The following DCDC2C variants were observed in gnomAD, a reference collection of about 807,000 sequenced individuals.
The protein encoded by DCDC2C is doublecortin domain containing 2C.
DCDC2C carries 44 observed loss-of-function variants against 45.0 expected under a neutral mutation model. The observed-to-expected ratio is 0.98, with a 90% CI of 0.77 to 1.26. The LOEUF is 1.26. Ranked by LOEUF, DCDC2C falls within the 50% of genes most tolerant of loss-of-function variation. The pLI, the probability that DCDC2C is intolerant of heterozygous loss-of-function variation, is 0.00. For synonymous variants in DCDC2C, 187 were observed against 178.8 expected (o/e 1.05, Z -0.37); for missense variants, 447 against 468.9 (o/e 0.95, Z 0.43).
chr2:3,738,578 A>G (rs1443300572), intron 3 of DCDC2C, among the ~76,000 whole-genome samples: 2 of 107,404 alleles, frequency 1.9e-5, no homozygotes, highest in African/African-American at 7.5e-5. Flanking sequence ...AAAGCCTCCC[A>G]GCTTATATCA....
Position 3,742,023 on chromosome 2 carries a change from G to A in DCDC2C, c.520G>A (p.Val174Ile). Reference sequence around the variant, plus strand: ...CGTGCTGGCCACGATCGGAGAAAAAGTCTTCCCTCTAGGAGGCGTTCGGAA... The same window carrying A: ...CGTGCTGGCCACGATCGGAGAAAAAATCTTCCCTCTAGGAGGCGTTCGGAA... ...DIVLATIGEK[V>I]FPLGGVRKLF... The change falls in exon 4 of 11, where the codon GTC becomes ATC. Residue 174 changes from valine to isoleucine, a missense_variant. Physicochemically the swap from Val to Ile is conservative, Grantham distance 29. Transcript: ENST00000399143. 1 of 1,547,646 alleles carries A rather than the reference G, an allele frequency of 6.5e-7. No individual in the cohort carries two copies.
chr2:3,755,542 T>C (rs1290802890), intron 6 of DCDC2C, among the ~76,000 whole-genome samples: 3 of 150,888 alleles, frequency 2.0e-5, no homozygotes, highest in African/African-American at 7.3e-5. Flanking sequence ...TATGAATGTG[T>C]AGGGATGTAT....
intron 4 of DCDC2C, chr2:3,752,560 C>G (rs1256182344): frequency 1.5e-6 from 1 of 679,830 alleles, no homozygotes; most frequent in Non-Finnish European, 2.7e-6. Flanking sequence ...ATTAAAAAAT[C>G]TAAAAGTGGA....
At chr2:3,799,957 C>T (rs892549403) in intron 10 of DCDC2C, among the ~76,000 whole-genome samples, 1 of 152,214 alleles carries the variant, frequency 6.6e-6, no homozygotes, top group African/African-American at 2.4e-5. Context: ...GCGGGCGCCC[C>T]TCCCCCAGCC....
chr2:3,829,070 C>T (rs1671892668), intron 10 of DCDC2C, among the ~76,000 whole-genome samples: 1 of 152,168 alleles, frequency 6.6e-6, no homozygotes. Flanking sequence ...GAAGTGTTCA[C>T]ACTTCCAGTG....
intron 3 of DCDC2C, among the ~76,000 whole-genome samples, chr2:3,735,022 A>G (rs954221748): frequency 2.6e-5 from 4 of 152,212 alleles, no homozygotes; most frequent in East Asian, 3.9e-4. Flanking sequence ...CTCGCTCCCA[A>G]TTGTTCGTTT....
At chr2:3,789,401 T>C (rs578138308) in intron 10 of DCDC2C, among the ~76,000 whole-genome samples, 2 of 152,306 alleles carry the variant, frequency 1.3e-5, no homozygotes, top group African/African-American at 2.4e-5. Context: ...CTTTATACTG[T>C]ATTTATTTAT....
chr2:3,800,648 C>G (rs1671090963), intron 10 of DCDC2C, among the ~76,000 whole-genome samples: 1 of 124,012 alleles, frequency 8.1e-6, no homozygotes, highest in Non-Finnish European at 1.9e-5. Flanking sequence ...CAATGCGCAC[C>G]AGAAGTGCTT....
chr2:3,784,609 T>C (rs1670602770), intron 9 of DCDC2C, among the ~76,000 whole-genome samples: 1 of 152,030 alleles, frequency 6.6e-6, no homozygotes, highest in Non-Finnish European at 1.5e-5. Flanking sequence ...TGACTATTAA[T>C]AGAAACAAAT....
intron 1 of DCDC2C, among the ~76,000 whole-genome samples, chr2:3,706,097 C>T (rs1252062637): frequency 6.6e-6 from 1 of 152,162 alleles, no homozygotes; most frequent in Non-Finnish European, 1.5e-5. Flanking sequence ...GCTGGATTTT[C>T]ACTGGTATTA....
chr2:3,757,569 A>G (rs1669755168), intron 6 of DCDC2C, among the ~76,000 whole-genome samples: 2 of 152,196 alleles, frequency 1.3e-5, no homozygotes, highest in African/African-American at 4.8e-5. Context: ...TCAGGCCGGA[A>G]TGGGGCACTC....
chr2:3,794,969 G>T (rs967790714), intron 10 of DCDC2C, among the ~76,000 whole-genome samples: 1 of 152,086 alleles, frequency 6.6e-6, no homozygotes, highest in Non-Finnish European at 1.5e-5. Context: ...GAACTAGTTT[G>T]CAGTCCCACC....
At chr2:3,803,090 A>G (rs1671151447) in intron 10 of DCDC2C, among the ~76,000 whole-genome samples, 2 of 152,202 alleles carry the variant, frequency 1.3e-5, no homozygotes, top group African/African-American at 2.4e-5. Flanking sequence ...TTTCCATGCC[A>G]ATAGTTGATA....
In DCDC2C at chr2:3,724,557, G is replaced by T. The variant is rs79744363; in HGVS notation, c.340-2446G>T. Among the ~76,000 whole-genome samples, 739 of 152,306 alleles carry T rather than the reference G, an allele frequency of 4.9e-3. 23 individuals carry two copies. The East Asian group carries it at 0.1, about 21-fold the overall frequency. On this transcript the variant is annotated intron_variant, in intron 2 of 10. Transcript: ENST00000399143. ...TGTGCATCTGGGGTGCATGGCTTGG[G>T]TGCTGTCCTTGGCCATGGCACTTTC...
intron 10 of DCDC2C, among the ~76,000 whole-genome samples, chr2:3,835,961 C>A (rs1672065339): frequency 6.6e-6 from 1 of 152,136 alleles, no homozygotes. Flanking sequence ...CCAGGCTGAT[C>A]TCGAACTCCT....
At chr2:3,836,544 T>C (rs1672080207) in intron 10 of DCDC2C, among the ~76,000 whole-genome samples, 1 of 152,220 alleles carries the variant, frequency 6.6e-6, no homozygotes, top group Non-Finnish European at 1.5e-5. Flanking sequence ...TGTAAGGTGT[T>C]AGCATCAGGG....
intron 10 of DCDC2C, among the ~76,000 whole-genome samples, chr2:3,827,364 C>G (rs71449691): frequency 0.09 from 13,611 of 151,896 alleles, 718 homozygotes; most frequent in Non-Finnish European, 0.11. Context: ...AGCCTGGGAC[C>G]GGGGAGACAG....
In DCDC2C at chr2:3,847,856, A is replaced by T. The variant is rs1373655711; in HGVS notation, c.*673A>T. Reference sequence around the variant, plus strand: ...AAAAGTGTGTAGCACTTCCCCCTTCACTCTCTCTCTCCTGCTCTGCCATGT... The same window carrying T: ...AAAAGTGTGTAGCACTTCCCCCTTCTCTCTCTCTCTCCTGCTCTGCCATGT... On this transcript the variant is annotated 3_prime_UTR_variant, in exon 11 of 11. Transcript: ENST00000399143. 6.7e-6 allele frequency among the ~76,000 whole-genome samples: 1 copy of T among 149,158 alleles called. No individual in the cohort carries two copies. The highest frequency in any genetic ancestry group is 6.7e-5 in the Admixed American group (1 of 14,926).
intron 9 of DCDC2C, among the ~76,000 whole-genome samples, chr2:3,779,404 T>C (rs1249390300): frequency 6.6e-6 from 1 of 152,238 alleles, no homozygotes; most frequent in Non-Finnish European, 1.5e-5. Context: ...CTTCTTCCTA[T>C]CTGGATGTCC....
Sources: allele counts gnomAD v4.1 joint callset (sites outside exome capture counted in the v4.1 genomes callset), GRCh38; gene constraint gnomAD v4.1.1; transcripts MANE v1.5; gene names NCBI Gene and HGNC (gene_info 2026-07-23, HGNC 2026-07-21).